Variants in PLD5 observed in about 807,000 individuals in gnomAD.
The protein encoded by PLD5 is inactive phospholipase D5.
PLD5 carries 36 observed loss-of-function variants against 61.1 expected under a neutral mutation model. That is an observed-to-expected ratio of 0.59 (90% CI 0.45 to 0.78). The LOEUF is 0.78. Ranked by LOEUF, PLD5 falls within the 30% of genes least tolerant of loss-of-function variation. The pLI is 0.00. For synonymous variants in PLD5, 243 were observed against 242.8 expected, an observed-to-expected ratio of 1.00 and a Z score of -0.01; for missense variants, 515 against 644.4, an observed-to-expected ratio of 0.80 and a Z score of 2.17.
At chr1:242,528,200 C>G (rs551300702), upstream of PLD5, among the ~76,000 whole-genome samples, 14 of 152,254 alleles carry the variant, frequency 9.2e-5, no homozygotes, top group East Asian at 2.7e-3. Flanking sequence ...ATTTCCATAG[C>G]CTTCAAGTTC....
At chr1:242,466,928 T>C (rs1227017385) in intron 1 of PLD5, among the ~76,000 whole-genome samples, 1 of 111,042 alleles carries the variant, frequency 9.0e-6, no homozygotes, top group African/African-American at 4.1e-5. Flanking sequence ...AGAAATAGAA[T>C]AGAGCGCTGG....
intron 1 of PLD5, among the ~76,000 whole-genome samples, chr1:242,497,530 G>A (rs911724549): frequency 1.3e-5 from 2 of 152,152 alleles, no homozygotes; most frequent in African/African-American, 4.8e-5. Flanking sequence ...ATAAAATGTG[G>A]ACTGAGCCAT....
intron 1 of PLD5, among the ~76,000 whole-genome samples, chr1:242,353,101 G>A (rs1334340511): frequency 2.0e-5 from 3 of 152,082 alleles, no homozygotes; most frequent in East Asian, 1.9e-4. Context: ...ATGTAAAAAT[G>A]TTATCATCCA....
chr1:242,232,778 G>T (rs2149040410), intron 4 of PLD5, among the ~76,000 whole-genome samples: 1 of 152,276 alleles, frequency 6.6e-6, no homozygotes. Flanking sequence ...AAGAGGCGGA[G>T]GCTGCAGTGA....
Position 242,089,405 on chromosome 1 carries a change from G to GCCGT in PLD5, c.*448_*449insACGG. 2.5e-6 allele frequency: 1 copy of GCCGT among 401,668 alleles called. No homozygotes were observed. The highest frequency in any genetic ancestry group is 4.4e-6 in the Non-Finnish European group (1 of 228,088). 24.9% of individuals were successfully genotyped at this position (401,668 alleles called of 1,614,324 possible). Reference sequence around the variant, plus strand: ...AGCTGACTGTGTAGGTCTTGGAGACGATTTACAAGAATAAACACTTGGTTT... The same window carrying GCCGT: ...AGCTGACTGTGTAGGTCTTGGAGACGCCGTATTTACAAGAATAAACACTTGGTTT... On this transcript the variant is annotated 3_prime_UTR_variant, in exon 10 of 10. Coordinates refer to ENST00000536534, the MANE Select transcript of PLD5 (RefSeq NM_001372062.1).
chr1:242,198,875 C>T (rs1241926080), intron 5 of PLD5, among the ~76,000 whole-genome samples: 2 of 152,030 alleles, frequency 1.3e-5, no homozygotes, highest in Non-Finnish European at 2.9e-5. Context: ...GCTGGGATTA[C>T]AGGCATGTGC....
At chr1:242,430,178 T>C (rs1191436930) in intron 1 of PLD5, among the ~76,000 whole-genome samples, 1 of 152,064 alleles carries the variant, frequency 6.6e-6, no homozygotes, top group Non-Finnish European at 1.5e-5. Flanking sequence ...TCAGTCTGTT[T>C]GGGTTGTCAT....
intron 1 of PLD5, among the ~76,000 whole-genome samples, chr1:242,518,566 A>C (rs897055512): frequency 2.0e-5 from 3 of 152,252 alleles, no homozygotes; most frequent in African/African-American, 7.2e-5. Context: ...TATTTGGAGA[A>C]GAACTAAGAA....
intron 1 of PLD5, among the ~76,000 whole-genome samples, chr1:242,394,356 G>GTGTGTATATATGAGTATATA (rs1663241449): frequency 3.3e-5 from 3 of 91,260 alleles, no homozygotes; most frequent in Admixed American, 1.5e-4. Context: ...GAGTATATAT[G>GTGTGTATATATGAGTATATA]TGTGTATATA....
intron 4 of PLD5, among the ~76,000 whole-genome samples, chr1:242,223,473 G>A (rs748632147): frequency 1.2e-4 from 18 of 152,210 alleles, no homozygotes; most frequent in Non-Finnish European, 1.8e-4. Flanking sequence ...CGGAGAGCAG[G>A]AAAGATAGTA....
At chr1:242,496,906 A>G (rs998187511) in intron 1 of PLD5, among the ~76,000 whole-genome samples, 3 of 152,224 alleles carry the variant, frequency 2.0e-5, no homozygotes, top group Non-Finnish European at 4.4e-5. Flanking sequence ...GTGATAGTGC[A>G]ACTTCTAGGA....
At chr1:242,378,335 T>C (rs551425707) in intron 1 of PLD5, among the ~76,000 whole-genome samples, 1 of 151,894 alleles carries the variant, frequency 6.6e-6, no homozygotes, top group South Asian at 2.1e-4. Flanking sequence ...AGTAGAACAG[T>C]GATTACCAGG....
chr1:242,338,225 TCAACTC>T (rs1659637115), intron 2 of PLD5, among the ~76,000 whole-genome samples: 1 of 152,160 alleles, frequency 6.6e-6, no homozygotes, highest in South Asian at 2.1e-4. Context: ...ATCAGACACA[TCAACTC>T]CAGTTTTCTC....
At chr1:242,114,619 C>T (rs1041878786) in intron 6 of PLD5, among the ~76,000 whole-genome samples, 4 of 152,206 alleles carry the variant, frequency 2.6e-5, no homozygotes, top group Non-Finnish European at 5.9e-5. Context: ...CTCGCGTCAC[C>T]GCCTGAGCTC....
In PLD5 at chr1:242,167,572, C is replaced by T. The variant is rs548155345; in HGVS notation, c.736-42907G>A. Among the ~76,000 whole-genome samples the T allele has an allele frequency of 5.3e-4, 80 of 152,166 alleles. 2 individuals carry two copies. The South Asian group carries it at 0.016, about 30-fold the overall frequency. ...GATTTGGGTGGGGACACAGCCAAAC[C>T]ATATCACTAACATTTATGGAACCTT... On this transcript the variant is annotated intron_variant, in intron 5 of 9. Coordinates refer to ENST00000536534, the MANE Select transcript of PLD5 (RefSeq NM_001372062.1).
chr1:242,403,969 C>A (rs1035607848), intron 1 of PLD5, among the ~76,000 whole-genome samples: 20 of 152,186 alleles, frequency 1.3e-4, no homozygotes, highest in Admixed American at 8.5e-4. Flanking sequence ...GCATCCCCCA[C>A]CTCACTTGGC....
At chr1:242,090,171 T>C (rs1350841720) in intron 9 of PLD5, 61 bp from the exon 10 acceptor site, 2 of 1,575,970 alleles carry the variant, frequency 1.3e-6, no homozygotes, top group African/African-American at 1.4e-5. Flanking sequence ...ATACCCAATA[T>C]AATGAAATTC....
intron 1 of PLD5, among the ~76,000 whole-genome samples, chr1:242,494,887 T>C (rs55857150): frequency 0.011 from 1,687 of 150,756 alleles, 60 homozygotes; most frequent in African/African-American, 0.039. Flanking sequence ...TCTGTTTTTT[T>C]TTTTTTGCTG....
chr1:242,107,608 C>T (rs752360316), intron 8 of PLD5, 63 bp downstream of exon 8: 189 of 1,434,142 alleles, frequency 1.3e-4, no homozygotes, highest in Non-Finnish European at 1.7e-4. Flanking sequence ...ATGCTTGCAG[C>T]TTTCACACAC....
Sources: allele counts gnomAD v4.1 joint callset (sites outside exome capture counted in the v4.1 genomes callset), GRCh38; gene constraint gnomAD v4.1.1; transcripts MANE v1.5; gene names NCBI Gene and HGNC (gene_info 2026-07-23, HGNC 2026-07-21).